ABHD12: variants seen among roughly 807,000 people sequenced by gnomAD.
The protein encoded by ABHD12 is abhydrolase domain containing 12, lysophospholipase.
Under a neutral mutation model 58.3 loss-of-function variants are expected in ABHD12, and 43 were observed. The observed-to-expected ratio is 0.74, with a 90% CI of 0.58 to 0.95. The LOEUF is 0.95. ABHD12 is among the 40% of genes least tolerant of loss of function. The pLI is 0.00. For missense variants in ABHD12, 539 were observed against 537.2 expected (o/e 1.00, Z -0.03); for synonymous variants, 219 against 211.2 (o/e 1.04, Z -0.32).
chr20:25,356,569 T>G (rs35735333), intron 1 of ABHD12, among the ~76,000 whole-genome samples: 65,384 of 152,068 alleles, frequency 0.43, 15,562 homozygotes, highest in Admixed American at 0.55. Flanking sequence ...GATTTCCTTT[T>G]CCTCCTACTG....
chr20:25,309,650 G>A lies in ABHD12; in HGVS notation c.620-75C>T. On this transcript the variant is annotated intron_variant, in intron 6 of 12. Transcript: ENST00000339157. ...CCTGGACAAACACACCTCCCCAAGG[G>A]GGCCCAGGGCCAGGAGGAGACAGGG... The A allele has an allele frequency of 3.8e-6, 6 of 1,598,714 alleles. No homozygotes were observed. The South Asian group carries it at 5.5e-5, about 15-fold the overall frequency.
At chr20:25,333,936 C>T (rs1005049914) in intron 2 of ABHD12, among the ~76,000 whole-genome samples, 2 of 152,138 alleles carry the variant, frequency 1.3e-5, no homozygotes, top group Non-Finnish European at 1.5e-5. Context: ...ATATTCAACA[C>T]AGTGTTGGAA....
At chr20:25,295,455 T>G, downstream of ABHD12, 3 of 826,146 alleles carry the variant, frequency 3.6e-6, no homozygotes, top group Non-Finnish European at 6.0e-6. Context: ...TGGTGCAGCC[T>G]GGCTCTGACC....
intron 1 of ABHD12, among the ~76,000 whole-genome samples, chr20:25,357,641 T>C (rs1174039647): frequency 2.0e-5 from 3 of 152,210 alleles, no homozygotes; most frequent in South Asian, 2.1e-4. Context: ...GATATAAATA[T>C]TATGCAACAT....
At chr20:25,357,163 C>G (rs191536005) in intron 1 of ABHD12, among the ~76,000 whole-genome samples, 30 of 152,182 alleles carry the variant, frequency 2.0e-4, no homozygotes, top group Non-Finnish European at 1.5e-4. Context: ...TGTCCCCTCT[C>G]TAGCACTTCC....
chr20:25,368,909 A>C, intron 1 of ABHD12: 1 of 404,318 alleles, frequency 2.5e-6, no homozygotes. Flanking sequence ...GGATTGCTTA[A>C]TTCATGAGTT....
Position 25,322,362 on chromosome 20 carries a change from G to GATAT in ABHD12, c.422+959_422+962dup, listed in dbSNP as rs1312326738. Among the ~76,000 whole-genome samples the GATAT allele has an allele frequency of 1.1e-4, 7 of 66,108 alleles. 2 individuals carry two copies. Among genetic ancestry groups the GATAT allele is most frequent in the Non-Finnish European group, 1.4e-4 (5 of 34,640 alleles). The allele number at this position is 66,108 out of a possible 152,430, so 43.4% of individuals were successfully genotyped here. ...ATCTAGATGTTCACCTCTTGGAAAAGATATATATATATATATATATTTTTT... is the reference window on the plus strand; with the variant it reads ...ATCTAGATGTTCACCTCTTGGAAAAGATATATATATATATATATATATATTTTTT... On this transcript the variant is annotated intron_variant, in intron 3 of 12. Coordinates refer to ENST00000339157, the MANE Select transcript of ABHD12 (RefSeq NM_001042472.3).
At chr20:25,369,269 G>A (rs914881448) in intron 1 of ABHD12, among the ~76,000 whole-genome samples, 2 of 151,864 alleles carry the variant, frequency 1.3e-5, no homozygotes, top group African/African-American at 4.8e-5. Flanking sequence ...ATGTCTCTTC[G>A]AGTTCTAGGC....
chr20:25,321,539 C>T (rs1372912239), intron 3 of ABHD12, among the ~76,000 whole-genome samples: 1 of 152,266 alleles, frequency 6.6e-6, no homozygotes, highest in African/African-American at 2.4e-5. Context: ...CACTCACCAA[C>T]ACGCACCCAC....
chr20:25,320,354 T>C, intron 3 of ABHD12, 36 bp from the exon 4 acceptor site: 2 of 1,609,968 alleles, frequency 1.2e-6, no homozygotes, highest in Non-Finnish European at 1.7e-6. Flanking sequence ...CAGGATCAGA[T>C]GTCCCTTCTG....
intron 1 of ABHD12, among the ~76,000 whole-genome samples, chr20:25,370,152 G>T (rs939376779): frequency 2.0e-5 from 3 of 152,124 alleles, no homozygotes; most frequent in Non-Finnish European, 4.4e-5. Context: ...GCCTTGGGGC[G>T]CTGACTGTGG....
intron 2 of ABHD12, among the ~76,000 whole-genome samples, chr20:25,334,375 C>A (rs1021946684): frequency 1.5e-4 from 22 of 149,466 alleles, no homozygotes; most frequent in Admixed American, 1.2e-3. Context: ...AATGGCCATA[C>A]TGCCCAAGGT....
At chr20:25,303,429 C>T (rs778175885) in intron 11 of ABHD12, 121 bp downstream of exon 11, 26 of 1,532,026 alleles carry the variant, frequency 1.7e-5, no homozygotes, top group South Asian at 1.1e-4. Flanking sequence ...GTGGCTGGTG[C>T]GCAGCCCGTG....
chr20:25,375,680 G>A (rs955213153), intron 1 of ABHD12, among the ~76,000 whole-genome samples: 9 of 149,516 alleles, frequency 6.0e-5, no homozygotes, highest in African/African-American at 1.5e-4. Context: ...TCACTTCTCC[G>A]AGTTTACTGT....
At position 25,303,531 on chromosome 20, in the gene ABHD12, G is replaced by A. The variant is rs1414604663; in HGVS notation, c.1029+19C>T. ...TGTGCAAGATGCCAGCTACACCAGA[G>A]GCAGAGGCCAGGACCCACCTTTCTG... On this transcript the variant is annotated intron_variant, in intron 11 of 12. Coordinates refer to ENST00000339157, the MANE Select transcript of ABHD12 (RefSeq NM_001042472.3). The A allele has an allele frequency of 1.5e-5, 24 of 1,612,566 alleles. No homozygotes were observed. The highest frequency in any genetic ancestry group is 2.0e-5 in the Non-Finnish European group (24 of 1,179,728).
chr20:25,295,589 T>C (rs1222481506), downstream of ABHD12: 10 of 1,612,754 alleles, frequency 6.2e-6, no homozygotes, highest in Non-Finnish European at 8.5e-6. Flanking sequence ...CCCAGCCTCC[T>C]TTCTCCCATT....
At chr20:25,378,622 G>A (rs550798372) in intron 1 of ABHD12, among the ~76,000 whole-genome samples, 2 of 151,708 alleles carry the variant, frequency 1.3e-5, no homozygotes, top group Non-Finnish European at 2.9e-5. Flanking sequence ...TTCCCATTAC[G>A]AACAGTTCAG....
At chr20:25,348,062 T>C (rs1184163551) in intron 1 of ABHD12, among the ~76,000 whole-genome samples, 1 of 151,748 alleles carries the variant, frequency 6.6e-6, no homozygotes, top group Non-Finnish European at 1.5e-5. Context: ...ATACAAAAAT[T>C]AGCTGGGCGT....
chr20:25,366,767 T>C (rs2058636690), intron 1 of ABHD12, among the ~76,000 whole-genome samples: 1 of 152,194 alleles, frequency 6.6e-6, no homozygotes, highest in African/African-American at 2.4e-5. Context: ...ACAATCAAAA[T>C]CAACCTTGAC....
Sources: allele counts gnomAD v4.1 joint callset (sites outside exome capture counted in the v4.1 genomes callset), GRCh38; gene constraint gnomAD v4.1.1; transcripts MANE v1.5; gene names NCBI Gene and HGNC (gene_info 2026-07-23, HGNC 2026-07-21).